Variants in PTPRR observed in about 807,000 individuals in gnomAD.
The protein encoded by PTPRR is protein tyrosine phosphatase receptor type R.
A neutral mutation model predicts 77.2 loss-of-function variants in PTPRR; 38 were observed. That is an observed-to-expected ratio of 0.49 (90% CI 0.38 to 0.65). The LOEUF (loss-of-function observed/expected upper bound fraction) is 0.65. PTPRR is among the 30% of genes least tolerant of loss of function. PTPRR has a pLI of 0.00. For missense variants in PTPRR, 744 were observed against 799.2 expected, an observed-to-expected ratio of 0.93 and a Z score of 0.83; for synonymous variants, 299 against 283.1, an observed-to-expected ratio of 1.06 and a Z score of -0.57.
chr12:70,768,192 CA>C (rs1307313093), intron 2 of PTPRR, among the ~76,000 whole-genome samples: 9 of 151,548 alleles, frequency 5.9e-5, no homozygotes, highest in Admixed American at 5.2e-4. Context: ...AATAGAGACA[CA>C]AAAAACCCTT....
chr12:70,907,016 T>G (rs1475891608), intron 1 of PTPRR: 1 of 152,234 alleles, frequency 6.6e-6, no homozygotes, highest in African/African-American at 2.4e-5. Context: ...TGACTAGCCT[T>G]AAAGAAAACT....
intron 6 of PTPRR, among the ~76,000 whole-genome samples, chr12:70,716,520 AT>A (rs1193310335): frequency 6.6e-6 from 1 of 152,074 alleles, no homozygotes; most frequent in African/African-American, 2.4e-5. Context: ...CATTTTACAC[AT>A]TTCTTGGGAT....
chr12:70,642,616 G>A (rs1173891511), intron 13 of PTPRR, among the ~76,000 whole-genome samples: 1 of 151,952 alleles, frequency 6.6e-6, no homozygotes, highest in Non-Finnish European at 1.5e-5. Flanking sequence ...AAGCATAATG[G>A]CATGGTCTTC....
chr12:70,811,250 G>A (rs1891803386), intron 2 of PTPRR, among the ~76,000 whole-genome samples: 1 of 152,128 alleles, frequency 6.6e-6, no homozygotes, highest in East Asian at 1.9e-4. Flanking sequence ...ACTGACAGGT[G>A]CCTACAAAAT....
intron 8 of PTPRR, among the ~76,000 whole-genome samples, chr12:70,687,280 C>T (rs1887903112): frequency 6.6e-5 from 1 of 15,062 alleles, no homozygotes; most frequent in Non-Finnish European, 4.0e-4. Context: ...TAAAATTTTG[C>T]TAATTTGTCA....
intron 4 of PTPRR, 173 bp from the exon 5 acceptor site, chr12:70,754,474 C>A: frequency 3.8e-6 from 6 of 1,559,086 alleles, no homozygotes; most frequent in Non-Finnish European, 4.3e-6. Context: ...AGACTGCCAT[C>A]CTTATATATC....
At chr12:70,650,054 A>G in intron 13 of PTPRR, among the ~76,000 whole-genome samples, 1 of 152,240 alleles carries the variant, frequency 6.6e-6, no homozygotes, top group East Asian at 1.9e-4. Context: ...AAGAGTGCTT[A>G]AATAAAATTA....
At chr12:70,807,604 G>A (rs1891733604) in intron 2 of PTPRR, among the ~76,000 whole-genome samples, 1 of 152,186 alleles carries the variant, frequency 6.6e-6, no homozygotes, top group Non-Finnish European at 1.5e-5. Flanking sequence ...TGAAGCCATG[G>A]CAGAAGAACA....
chr12:70,759,701 A>AC (rs1890647266), intron 4 of PTPRR, among the ~76,000 whole-genome samples: 1 of 150,452 alleles, frequency 6.6e-6, no homozygotes, highest in Non-Finnish European at 1.5e-5. Context: ...AAAAAAAAAA[A>AC]AAAAACAAAC....
intron 2 of PTPRR, among the ~76,000 whole-genome samples, chr12:70,833,894 C>T (rs561701632): frequency 2.0e-5 from 3 of 152,288 alleles, no homozygotes; most frequent in African/African-American, 7.2e-5. Context: ...CAGCCCCAGC[C>T]AGGCATTTTA....
chr12:70,728,528 A>AATATATATATATATATATATAT (rs71068723), intron 6 of PTPRR, among the ~76,000 whole-genome samples: 5 of 80,152 alleles, frequency 6.2e-5, no homozygotes, highest in South Asian at 4.4e-4. Flanking sequence ...CCAAAATCTG[A>AATATATATATATATATATATAT]ATATATATAT....
chr12:70,714,599 TC>T (rs1888950066), intron 6 of PTPRR, among the ~76,000 whole-genome samples: 1 of 152,224 alleles, frequency 6.6e-6, no homozygotes, highest in African/African-American at 2.4e-5. Context: ...TATTTCCAAT[TC>T]TTTTTGCTAT....
At chr12:70,768,255 G>C (rs1482196112) in intron 2 of PTPRR, among the ~76,000 whole-genome samples, 1 of 152,124 alleles carries the variant, frequency 6.6e-6, no homozygotes, top group African/African-American at 2.4e-5. Flanking sequence ...CAACAAAATT[G>C]ATAGACTGCT....
chr12:70,821,679 TG>T (rs1411218138), intron 2 of PTPRR, among the ~76,000 whole-genome samples: 2 of 151,896 alleles, frequency 1.3e-5, no homozygotes, highest in Non-Finnish European at 2.9e-5. Flanking sequence ...TTTATTTTTT[TG>T]AGATGGAGTC....
chr12:70,750,801 C>T (rs1456158644), intron 5 of PTPRR, among the ~76,000 whole-genome samples: 2 of 152,292 alleles, frequency 1.3e-5, no homozygotes, highest in Non-Finnish European at 2.9e-5. Flanking sequence ...ATGATCATAG[C>T]TCACTGTAGC....
At chr12:70,888,721 A>T (rs898524883) in intron 2 of PTPRR, among the ~76,000 whole-genome samples, 1 of 152,146 alleles carries the variant, frequency 6.6e-6, no homozygotes, top group Non-Finnish European at 1.5e-5. Context: ...CTGTGTTTGA[A>T]TCATGCTTTC....
chr12:70,866,858 G>T (rs1240708921), intron 2 of PTPRR, among the ~76,000 whole-genome samples: 1 of 151,798 alleles, frequency 6.6e-6, no homozygotes, highest in Non-Finnish European at 1.5e-5. Context: ...TTCATCCCTG[G>T]GATGCAAGGC....
chr12:70,661,442 T>C (rs187476569), intron 11 of PTPRR, among the ~76,000 whole-genome samples: 6 of 152,288 alleles, frequency 3.9e-5, no homozygotes, highest in East Asian at 1.9e-4. Context: ...ATGAGATATA[T>C]TTTGTTTCCT....
At chr12:70,769,352 C>G (rs1169044098) in intron 2 of PTPRR, among the ~76,000 whole-genome samples, 1 of 151,602 alleles carries the variant, frequency 6.6e-6, no homozygotes, top group African/African-American at 2.4e-5. Context: ...CACAAGCATT[C>G]TTATACACCA....
Sources: gnomAD v4.1 joint callset for allele counts (sites outside exome capture counted in the v4.1 genomes callset) on GRCh38, gnomAD v4.1.1 for gene constraint, MANE v1.5 for transcripts, NCBI Gene and HGNC (gene_info 2026-07-23, HGNC 2026-07-21) for gene names.